GMPS: variants seen among roughly 807,000 people sequenced by gnomAD.
GMPS encodes the protein GMP synthase [glutamine-hydrolyzing].
GMPS carries 15 observed loss-of-function variants against 77.9 expected under a neutral mutation model. The observed-to-expected ratio is 0.19, with a 90% CI of 0.13 to 0.30. The LOEUF is 0.30. Among genes scored for constraint, GMPS ranks in the 10% least tolerant of loss-of-function variants. The pLI is 1.00. For missense variants in GMPS, 590 were observed against 838.8 expected (o/e 0.70, Z 3.66); for synonymous variants, 224 against 275.9 (o/e 0.81, Z 1.86).
At chr3:155,876,506 G>A (rs1364637746) in intron 1 of GMPS, among the ~76,000 whole-genome samples, 6 of 152,184 alleles carry the variant, frequency 3.9e-5, no homozygotes, top group Non-Finnish European at 8.8e-5. Context: ...TTAGATATAA[G>A]GTGAAAGTTT....
chr3:155,875,815 A>G (rs1006893019), intron 1 of GMPS, among the ~76,000 whole-genome samples: 3 of 152,108 alleles, frequency 2.0e-5, no homozygotes, highest in Admixed American at 6.5e-5. Context: ...CATAACAGTC[A>G]ATTGGTTTTC....
intron 1 of GMPS, among the ~76,000 whole-genome samples, chr3:155,871,572 C>T (rs576653227): frequency 1.5e-3 from 233 of 152,360 alleles, no homozygotes; most frequent in Non-Finnish European, 1.3e-3. Flanking sequence ...GGGTCGCGCA[C>T]TCCGTTCTCC....
At chr3:155,877,797 C>CTTTT (rs35973380) in intron 1 of GMPS, among the ~76,000 whole-genome samples, 1 of 113,088 alleles carries the variant, frequency 8.8e-6, no homozygotes, top group African/African-American at 3.3e-5. Context: ...ACCTTGGGGC[C>CTTTT]TTTTTTTTTT....
At chr3:155,893,322 TG>T (rs1367596923) in intron 1 of GMPS, among the ~76,000 whole-genome samples, 195 bp from the exon 2 acceptor site, 1 of 152,202 alleles carries the variant, frequency 6.6e-6, no homozygotes, top group East Asian at 1.9e-4. Flanking sequence ...TAAGTTTAAG[TG>T]TTTAATATAT....
chr3:155,914,242 G>A (rs971667048), intron 7 of GMPS, among the ~76,000 whole-genome samples, 177 bp from the exon 8 acceptor site: 8 of 152,090 alleles, frequency 5.3e-5, no homozygotes, highest in Admixed American at 3.3e-4. Context: ...CACCGGGCCC[G>A]GCCAATAATT....
In GMPS at chr3:155,910,650, A is replaced by G. The variant is rs202065110; in HGVS notation, c.527-42A>G. ...TTGTGGTTATTGCTTGAGTCTTTTCAGCATGAAAAAATTTTAATTTGTGAC... is the reference window on the plus strand; with the variant it reads ...TTGTGGTTATTGCTTGAGTCTTTTCGGCATGAAAAAATTTTAATTTGTGAC... On this transcript the variant is annotated intron_variant, in intron 5 of 15. Coordinates refer to ENST00000496455, the MANE Select transcript of GMPS (RefSeq NM_003875.3). 6.0e-6 allele frequency: 6 copies of G among 1,000,248 alleles called. No homozygotes were observed. In the East Asian group the frequency reaches 1.6e-4, roughly 26 times the overall value. The allele number at this position is 1,000,248 out of a possible 1,614,324, so 62.0% of individuals were successfully genotyped here. A position where few individuals can be genotyped will look rare whatever the true frequency, so the allele number is the denominator to read the frequency against.
intron 1 of GMPS, among the ~76,000 whole-genome samples, chr3:155,890,755 T>C (rs1201580861): frequency 1.3e-5 from 2 of 152,216 alleles, no homozygotes; most frequent in African/African-American, 4.8e-5. Flanking sequence ...CTCACTGATG[T>C]TGGTAAGTTC....
In GMPS at chr3:155,940,619, T is replaced by G. The variant is rs993457680; in HGVS notation, c.*2927T>G. ...AATGTGAACTTGGTCAAGTCATTTCTGTTCTTTATCTGTGACATGAGGTAA... is the reference window on the plus strand; with the variant it reads ...AATGTGAACTTGGTCAAGTCATTTCGGTTCTTTATCTGTGACATGAGGTAA... On this transcript the variant is annotated 3_prime_UTR_variant, in exon 16 of 16. Coordinates refer to ENST00000496455, the MANE Select transcript of GMPS (RefSeq NM_003875.3). 2 of 219,690 alleles carry G rather than the reference T, an allele frequency of 9.1e-6. No homozygotes were observed. The highest frequency in any genetic ancestry group is 2.2e-5 in the African/African-American group (1 of 44,594). 13.6% of individuals were successfully genotyped at this position (219,690 alleles called of 1,614,324 possible). A position where few individuals can be genotyped will look rare whatever the true frequency, so the allele number is the denominator to read the frequency against.
At chr3:155,933,440 G>A (rs1474130124) in intron 13 of GMPS, among the ~76,000 whole-genome samples, 1 of 152,148 alleles carries the variant, frequency 6.6e-6, no homozygotes, top group Admixed American at 6.5e-5. Context: ...GGTGAAAAGA[G>A]CAGGTTCATG....
Position 155,898,189 on chromosome 3 carries a change from A to G in GMPS, c.324+148A>G, listed in dbSNP as rs1754647783. ...ATGTTACAACTATGTGAATTGCCACACTAGTATGGCAGAACTGGCCTGATA... is the reference window on the plus strand; with the variant it reads ...ATGTTACAACTATGTGAATTGCCACGCTAGTATGGCAGAACTGGCCTGATA... On this transcript the variant is annotated intron_variant, in intron 3 of 15. Transcript: ENST00000496455. 6.2e-6 allele frequency: 4 copies of G among 644,148 alleles called. No homozygotes were observed. The East Asian group carries it at 7.7e-5, about 12-fold the overall frequency. 39.9% of individuals were successfully genotyped at this position (644,148 alleles called of 1,614,324 possible).
At chr3:155,889,468 T>G (rs1754414162) in intron 1 of GMPS, among the ~76,000 whole-genome samples, 1 of 152,208 alleles carries the variant, frequency 6.6e-6, no homozygotes, top group African/African-American at 2.4e-5. Flanking sequence ...GTGCTGTGCC[T>G]TCTGGGTCGT....
chr3:155,886,435 CG>C (rs1383410220), intron 1 of GMPS, among the ~76,000 whole-genome samples: 1 of 151,022 alleles, frequency 6.6e-6, no homozygotes, highest in East Asian at 2.0e-4. Context: ...ATTAGCCGGG[CG>C]TGGTGGCAGG....
chr3:155,870,658 C>T lies in GMPS; in HGVS notation c.-213C>T. The stretch of plus-strand genomic sequence containing the variant: ...AAGCAGGAGGCGGGGGCAGCGTGCG[C>T]GCTGCTGGTCTTCTCTCCCGCGGCG... On this transcript the variant is annotated 5_prime_UTR_variant, in exon 1 of 16. Coordinates refer to ENST00000496455, the MANE Select transcript of GMPS (RefSeq NM_003875.3). 1 of 478,418 alleles carries T rather than the reference C, an allele frequency of 2.1e-6. No homozygotes were observed. Among genetic ancestry groups the T allele is most frequent in the Non-Finnish European group, 3.7e-6 (1 of 268,500 alleles). The allele number at this position is 478,418 out of a possible 1,614,324, so 29.6% of individuals were successfully genotyped here. A position where few individuals can be genotyped will look rare whatever the true frequency, so the allele number is the denominator to read the frequency against.
chr3:155,906,334 A>G (rs1754881249), intron 5 of GMPS, 71 bp downstream of exon 5: 2 of 781,156 alleles, frequency 2.6e-6, no homozygotes, highest in South Asian at 1.7e-5. Flanking sequence ...ATGCTTCTGT[A>G]TGAGGTACTC....
chr3:155,925,195 AC>A (rs1755421173), intron 11 of GMPS, 45 bp from the exon 12 acceptor site: 1 of 1,550,474 alleles, frequency 6.4e-7, no homozygotes, highest in Non-Finnish European at 8.8e-7. Context: ...AAGAGTGAAT[AC>A]CTTATTTCTT....
At chr3:155,912,129 C>T (rs908244970) in intron 7 of GMPS, among the ~76,000 whole-genome samples, 4 of 152,008 alleles carry the variant, frequency 2.6e-5, no homozygotes, top group Non-Finnish European at 5.9e-5. Context: ...AGTTATTGTA[C>T]ATATTATGGA....
intron 3 of GMPS, among the ~76,000 whole-genome samples, chr3:155,902,656 C>A (rs899334306): frequency 3.3e-5 from 5 of 152,080 alleles, no homozygotes; most frequent in African/African-American, 1.2e-4. Flanking sequence ...ATTTACCAAC[C>A]CTTGCTGTAG....
intron 10 of GMPS, among the ~76,000 whole-genome samples, chr3:155,921,150 G>T (rs920018330): frequency 1.8e-4 from 28 of 152,242 alleles, no homozygotes; most frequent in Admixed American, 1.3e-3. Flanking sequence ...TGCTAGGGGA[G>T]GGTAAGGCAG....
chr3:155,871,758 G>C (rs1210229483), intron 1 of GMPS, among the ~76,000 whole-genome samples: 1 of 152,270 alleles, frequency 6.6e-6, no homozygotes, highest in African/African-American at 2.4e-5. Context: ...CGGAGTTCCG[G>C]AGTGCTGGAA....
Sources: allele counts gnomAD v4.1 joint callset (sites outside exome capture counted in the v4.1 genomes callset), GRCh38; gene constraint gnomAD v4.1.1; transcripts MANE v1.5; gene names NCBI Gene and HGNC (gene_info 2026-07-23, HGNC 2026-07-21).